Variants in PRSS12 observed in about 807,000 individuals in gnomAD.
PRSS12 encodes serine protease 12, also known as neurotrypsin.
PRSS12 carries 85 observed loss-of-function variants against 104.4 expected under a neutral mutation model. The observed-to-expected ratio is 0.81, with a 90% confidence interval of 0.68 to 0.98. The LOEUF (loss-of-function observed/expected upper bound fraction) is 0.98. Among genes scored for constraint, PRSS12 ranks in the 50% least tolerant of loss-of-function variants. The pLI is 0.00. For missense variants in PRSS12, 1,141 were observed against 1,139.2 expected, an observed-to-expected ratio of 1.00 and a Z score of -0.02; for synonymous variants, 454 against 425.2, an observed-to-expected ratio of 1.07 and a Z score of -0.83.
intron 3 of PRSS12, among the ~76,000 whole-genome samples, chr4:118,335,159 T>A (rs7690817): frequency 6.6e-6 from 1 of 152,198 alleles, no homozygotes; most frequent in East Asian, 1.9e-4. Context: ...TAATTTTCCA[T>A]GACTAAAATA....
Position 118,281,717 on chromosome 4 carries a change from G to C in PRSS12, c.*219C>G, listed in dbSNP as rs942494884. ...AGAATAAGTCACTCCAGTGAAATTA[G>C]GGTAGAAAATGTTCATTTAAGGATT... On this transcript the variant is annotated 3_prime_UTR_variant, in exon 13 of 13. Coordinates refer to ENST00000296498, the MANE Select transcript of PRSS12 (RefSeq NM_003619.4). 8.5e-6 allele frequency: 5 copies of C among 586,346 alleles called. No homozygotes were observed. The highest frequency in any genetic ancestry group is 1.5e-5 in the Non-Finnish European group (5 of 327,840). 36.3% of individuals were successfully genotyped at this position (586,346 alleles called of 1,614,324 possible). A position where few individuals can be genotyped will look rare whatever the true frequency, so the allele number is the denominator to read the frequency against.
In PRSS12 at chr4:118,290,210, C is replaced by T. The variant is rs566885458; in HGVS notation, c.2039+4729G>A. On this transcript the variant is annotated intron_variant, in intron 11 of 12. Transcript: ENST00000296498. ...CAAAGGAGAAATAATGACATGTAAA[C>T]AAATAAATCCAAAAATAACAACAAC... Among the ~76,000 whole-genome samples, 6 of 152,106 alleles carry T rather than the reference C, an allele frequency of 3.9e-5. No individual in the cohort carries two copies. In the South Asian group the frequency reaches 1.2e-3, roughly 32 times the overall value.
intron 11 of PRSS12, among the ~76,000 whole-genome samples, chr4:118,291,117 A>G (rs1366385316): frequency 1.3e-5 from 2 of 151,848 alleles, no homozygotes; most frequent in African/African-American, 4.8e-5. Context: ...CAAATGACTC[A>G]TCTCCTGAAA....
chr4:118,308,397 C>T (rs1371142333), intron 8 of PRSS12, 39 bp downstream of exon 8: 2 of 1,612,882 alleles, frequency 1.2e-6, no homozygotes, highest in Non-Finnish European at 1.7e-6. Flanking sequence ...TTCAGATATG[C>T]TCATCAGTAA....
intron 3 of PRSS12, among the ~76,000 whole-genome samples, chr4:118,333,176 T>C (rs766963417): frequency 6.6e-6 from 1 of 152,182 alleles, no homozygotes; most frequent in Admixed American, 6.5e-5. Flanking sequence ...TGAATGTGTC[T>C]GGCAAAGAGT....
intron 11 of PRSS12, among the ~76,000 whole-genome samples, chr4:118,288,423 T>A (rs1743057984): frequency 6.6e-6 from 1 of 152,236 alleles, no homozygotes; most frequent in Admixed American, 6.5e-5. Flanking sequence ...TCTGACACAC[T>A]GTGTTCTTAA....
chr4:118,344,311 A>G (rs927568863), intron 1 of PRSS12, among the ~76,000 whole-genome samples: 3 of 152,190 alleles, frequency 2.0e-5, no homozygotes, highest in African/African-American at 7.2e-5. Flanking sequence ...AAAAAATTAC[A>G]GTACCTGAAA....
chr4:118,288,442 T>C (rs1453253137), intron 11 of PRSS12, among the ~76,000 whole-genome samples: 1 of 152,174 alleles, frequency 6.6e-6, no homozygotes, highest in East Asian at 1.9e-4. Context: ...AAAAAGTAAG[T>C]CCCATTACCT....
intron 7 of PRSS12, among the ~76,000 whole-genome samples, chr4:118,309,809 T>C (rs1444853467): frequency 6.6e-6 from 1 of 152,204 alleles, no homozygotes; most frequent in Non-Finnish European, 1.5e-5. Flanking sequence ...TAAACCAATA[T>C]GTGAAGTTAC....
Position 118,298,878 on chromosome 4 carries a change from C to T in PRSS12, c.1692G>A (p.Val564=). The T allele has an allele frequency of 6.2e-7, 1 of 1,614,150 alleles. No homozygotes were observed. Among genetic ancestry groups the T allele is most frequent in the East Asian group, 2.2e-5 (1 of 44,878 alleles). ...CATTTCCTGTGCACTTCACATTATC[C>T]ACATGGATGGGTCCTTTTCCTTCTC... The part of the protein sequence containing the change: ...YFGEGKGPIH[V]DNVKCTGNER... The change falls in exon 9 of 13, where the codon GTG becomes GTA. Residue 564 remains valine, a synonymous_variant. Transcript: ENST00000296498.
rs1316802111 is a variant in PRSS12 at position 118,330,133 on chromosome 4, A to C, written c.971+1583T>G. Among the ~76,000 whole-genome samples the C allele has an allele frequency of 3.3e-5, 5 of 152,200 alleles. No homozygotes were observed. In the East Asian group the frequency reaches 9.6e-4, roughly 29 times the overall value. ...TTTGTTCTTGTCCCACATGTGAACT[A>C]TAAATTAGCATTTAGGTCCCATAGT... On this transcript the variant is annotated intron_variant, in intron 4 of 12. Transcript: ENST00000296498.
Position 118,313,216 on chromosome 4 carries a change from G to T in PRSS12, c.1474C>A (p.His492Asn), listed in dbSNP as rs1353993569. The stretch of plus-strand genomic sequence containing the variant: ...CAGTCCTCACCCAGAGAGAGCCTGT[G>T]TCCCTCGCCGCCAGGGTAGCAGGCA... ...SIACYPGGEG[H>N]RLSLGFPVRL... The change falls in exon 7 of 13, where the codon CAC becomes AAC. Residue 492 changes from histidine (H) to asparagine (N), a missense_variant. By Grantham distance (68) the His-to-Asn change is moderately conservative (BLOSUM62 1). Coordinates refer to ENST00000296498, the MANE Select transcript of PRSS12 (RefSeq NM_003619.4). 8 of 1,613,462 alleles carry T rather than the reference G, an allele frequency of 5.0e-6. No homozygotes were observed. Among genetic ancestry groups the T allele is most frequent in the Non-Finnish European group, 5.9e-6 (7 of 1,179,892 alleles).
In PRSS12 at chr4:118,349,321, T is replaced by C. The variant is rs368336625; in HGVS notation, c.502+2898A>G. 9.2e-5 allele frequency among the ~76,000 whole-genome samples: 14 copies of C among 151,772 alleles called. No homozygotes were observed. In the East Asian group the frequency reaches 2.6e-3, roughly 28 times the overall value. ...TGGGAGGCTTAGGCAGGAGAATCGT[T>C]TGAACCCAGGAGGCAGAGGTTGCAG... On this transcript the variant is annotated intron_variant, in intron 1 of 12. Coordinates refer to ENST00000296498, the MANE Select transcript of PRSS12 (RefSeq NM_003619.4).
At position 118,324,694 on chromosome 4, in the gene PRSS12, A is replaced by AT. The variant is rs577781077; in HGVS notation, c.972-6139dup. 1.8e-3 allele frequency among the ~76,000 whole-genome samples: 276 copies of AT among 152,074 alleles called. 1 individual carries two copies. Among genetic ancestry groups the AT allele is most frequent in the African/African-American group, 6.3e-3 (262 of 41,524 alleles). On this transcript the variant is annotated intron_variant, in intron 4 of 12. Coordinates refer to ENST00000296498, the MANE Select transcript of PRSS12 (RefSeq NM_003619.4). Reference sequence around the variant, plus strand: ...GAAAACACCACTTGGTGCAAAGGACATGGTTTCATTCTTTTGTTTTGTTTT... The same window carrying AT: ...GAAAACACCACTTGGTGCAAAGGACATTGGTTTCATTCTTTTGTTTTGTTTT...
Position 118,335,555 on chromosome 4 carries a change from T to C in PRSS12, c.738A>G (p.Ile246Met). 2 of 1,614,064 alleles carry C rather than the reference T, an allele frequency of 1.2e-6. No individual in the cohort carries two copies. Among genetic ancestry groups the C allele is most frequent in the Non-Finnish European group, 8.5e-7 (1 of 1,179,982 alleles). ...NVRCRGDEENILLCEKDIWQG... is the reference protein window; with the variant it reads ...NVRCRGDEENMLLCEKDIWQG... Reference sequence around the variant, plus strand: ...GCCAGATGTCTTTTTCACAAAGCAGTATATTTTCTTCATCTCCTCGGCAAC... The same window carrying C: ...GCCAGATGTCTTTTTCACAAAGCAGCATATTTTCTTCATCTCCTCGGCAAC... Residue 246 changes from isoleucine (I) to methionine (M), a missense_variant, in exon 3 of 13, where the codon ATA (isoleucine) becomes ATG (methionine). By Grantham distance (10) the Ile-to-Met change is conservative. Coordinates refer to ENST00000296498, the MANE Select transcript of PRSS12 (RefSeq NM_003619.4).
intron 4 of PRSS12, among the ~76,000 whole-genome samples, chr4:118,323,145 T>A (rs557341235): frequency 3.1e-4 from 47 of 151,966 alleles, no homozygotes; most frequent in African/African-American, 1.1e-3. Context: ...AGGAAAGAGA[T>A]TAATGAAAGC....
chr4:118,309,061 C>T (rs569072035), intron 7 of PRSS12, among the ~76,000 whole-genome samples: 1 of 149,260 alleles, frequency 6.7e-6, no homozygotes, highest in South Asian at 2.1e-4. Context: ...TAACTTGATT[C>T]AAGTCTAATG....
Position 118,351,508 on chromosome 4 carries a change from C to G in PRSS12, c.502+711G>C, listed in dbSNP as rs182482103. On this transcript the variant is annotated intron_variant, in intron 1 of 12. Coordinates refer to ENST00000296498, the MANE Select transcript of PRSS12 (RefSeq NM_003619.4). ...TATCTCCTGATGTTACCAACTAATC[C>G]TGATAAAACATATAAAGCTAAGTAA... 8.2e-4 allele frequency among the ~76,000 whole-genome samples: 125 copies of G among 152,206 alleles called. 1 individual carries two copies. The highest frequency in any genetic ancestry group is 2.9e-3 in the African/African-American group (122 of 41,524).
At chr4:118,334,660 C>T (rs1229933477) in intron 3 of PRSS12, among the ~76,000 whole-genome samples, 2 of 152,188 alleles carry the variant, frequency 1.3e-5, no homozygotes, top group Non-Finnish European at 2.9e-5. Flanking sequence ...ATGGGTCTCT[C>T]TGTTTTGTGG....
Sources: allele counts gnomAD v4.1 joint callset (sites outside exome capture counted in the v4.1 genomes callset), GRCh38; gene constraint gnomAD v4.1.1; transcripts MANE v1.5; gene names NCBI Gene and HGNC (gene_info 2026-07-23, HGNC 2026-07-21).